The following TRIP4 variants were observed in gnomAD, a reference collection of about 807,000 sequenced individuals.
TRIP4 encodes thyroid hormone receptor interactor 4.
TRIP4 carries 54 observed loss-of-function variants against 81.8 expected under a neutral mutation model. That is an observed-to-expected ratio of 0.66 (90% CI 0.53 to 0.83). The LOEUF is 0.83. Ranked by LOEUF, TRIP4 falls within the 40% of genes least tolerant of loss-of-function variation. The pLI, the probability that TRIP4 is intolerant of heterozygous loss-of-function variation, is 0.00. For synonymous variants in TRIP4, 270 were observed against 242.8 expected (o/e 1.11, Z -1.04); for missense variants, 662 against 683.6 (o/e 0.97, Z 0.35).
Position 64,409,837 on chromosome 15 carries a change from G to C in TRIP4, c.1043+9G>C. 6.2e-7 allele frequency: 1 copy of C among 1,612,804 alleles called. No individual in the cohort carries two copies. The highest frequency in any genetic ancestry group is 8.5e-7 in the Non-Finnish European group (1 of 1,179,122). ...GCAGAGTATCATAGCAGGTAAGTGA[G>C]CAGCACTAGAAAGGGTCTCAAAGAA... On this transcript the variant is annotated intron_variant, in intron 7 of 12. Coordinates refer to ENST00000261884, the MANE Select transcript of TRIP4 (RefSeq NM_016213.5).
chr15:64,394,470 A>G (rs1362784165), intron 2 of TRIP4, among the ~76,000 whole-genome samples: 2 of 151,952 alleles, frequency 1.3e-5, no homozygotes, highest in Non-Finnish European at 2.9e-5. Context: ...CCAGGCATGG[A>G]GGCAGGCGCC....
At chr15:64,396,850 G>A (rs1362846476) in intron 3 of TRIP4, among the ~76,000 whole-genome samples, 1 of 152,196 alleles carries the variant, frequency 6.6e-6, no homozygotes, top group Non-Finnish European at 1.5e-5. Flanking sequence ...ATATGAGTTT[G>A]CAGTCCTGCC....
At chr15:64,450,821 G>A in intron 12 of TRIP4, 1 of 449,434 alleles carries the variant, frequency 2.2e-6, no homozygotes, top group Non-Finnish European at 4.5e-6. Flanking sequence ...ATTCTGATGG[G>A]TTGATCTTAC....
At chr15:64,405,227 T>C (rs1009543870) in intron 5 of TRIP4, among the ~76,000 whole-genome samples, 3 of 151,302 alleles carry the variant, frequency 2.0e-5, no homozygotes, top group Admixed American at 1.3e-4. Flanking sequence ...CGGTCTCGGC[T>C]CACTGTAAGC....
chr15:64,389,197 GTTCCTTCATTTGA>G (rs1205248292), intron 1 of TRIP4, among the ~76,000 whole-genome samples: 2 of 152,206 alleles, frequency 1.3e-5, no homozygotes. Flanking sequence ...AACTGAAAGT[GTTCCTTCATTTGA>G]TTCCTTGGTC....
rs1900288553 is a variant in TRIP4 at position 64,396,226 on chromosome 15, A to T, written c.405+695A>T. Among the ~76,000 whole-genome samples, 3 of 149,112 alleles carry T rather than the reference A, an allele frequency of 2.0e-5. No individual in the cohort carries two copies. The South Asian group carries it at 6.4e-4, about 32-fold the overall frequency. On this transcript the variant is annotated intron_variant, in intron 3 of 12. Coordinates refer to ENST00000261884, the MANE Select transcript of TRIP4 (RefSeq NM_016213.5). The stretch of plus-strand genomic sequence containing the variant: ...GCCCAGCCCTGTTTTTGAACTTTAA[A>T]TTAATGGAGCTAAATAGTGTGTACT...
intron 11 of TRIP4, among the ~76,000 whole-genome samples, chr15:64,438,616 T>A (rs1181715983): frequency 6.6e-6 from 1 of 152,212 alleles, no homozygotes; most frequent in East Asian, 1.9e-4. Context: ...TCTTCTGGTG[T>A]TCACTAGTTT....
At position 64,387,919 on chromosome 15, in the gene TRIP4, A is replaced by C. The variant is rs1201256157; in HGVS notation, c.56A>C (p.Gln19Pro). The C allele has an allele frequency of 6.4e-7, 1 of 1,551,110 alleles. No homozygotes were observed. The highest frequency in any genetic ancestry group is 8.7e-7 in the Non-Finnish European group (1 of 1,147,126). ...GEPLVHWCTQ[Q>P]LRKTFGLDVS... is the part of the protein sequence containing the mutation. ...CCGCTGGTGCACTGGTGCACCCAGC[A>C]GTTGCGGAAGACTTTCGGCCTGGAT... Residue 19 changes from glutamine to proline, a missense_variant, in exon 1 of 13, where the codon CAG becomes CCG. Physicochemically the swap from Gln to Pro is moderately conservative, Grantham distance 76. Transcript: ENST00000261884.
At chr15:64,435,118 A>G (rs1892360907) in intron 11 of TRIP4, among the ~76,000 whole-genome samples, 1 of 137,332 alleles carries the variant, frequency 7.3e-6, no homozygotes, top group African/African-American at 2.7e-5. Flanking sequence ...AAGGAGGCCG[A>G]GGTGGGAGGA....
Position 64,453,568 on chromosome 15 carries a change from C to T in TRIP4, c.1679-1429C>T, listed in dbSNP as rs968757555. 2.6e-5 allele frequency among the ~76,000 whole-genome samples: 4 copies of T among 152,296 alleles called. No homozygotes were observed. The East Asian group carries it at 7.7e-4, about 29-fold the overall frequency. ...CCAGGCAGCATAAGGGATAAAAGAACTCCTAAATCCCTGGGAATGCCCTAT... is the reference window on the plus strand; with the variant it reads ...CCAGGCAGCATAAGGGATAAAAGAATTCCTAAATCCCTGGGAATGCCCTAT... On this transcript the variant is annotated intron_variant, in intron 12 of 12. Coordinates refer to ENST00000261884, the MANE Select transcript of TRIP4 (RefSeq NM_016213.5).
chr15:64,446,974 G>C (rs1428805279), intron 12 of TRIP4, among the ~76,000 whole-genome samples: 2 of 151,774 alleles, frequency 1.3e-5, no homozygotes, highest in Non-Finnish European at 2.9e-5. Flanking sequence ...CATGGTAGCG[G>C]GCACCTGTAG....
At chr15:64,390,788 G>A (rs1566970366) in intron 1 of TRIP4, among the ~76,000 whole-genome samples, 1 of 151,848 alleles carries the variant, frequency 6.6e-6, no homozygotes, top group Admixed American at 6.6e-5. Flanking sequence ...CCAGCTACTC[G>A]GGAGGCTGAG....
intron 11 of TRIP4, among the ~76,000 whole-genome samples, chr15:64,440,191 C>T (rs1182540923): frequency 6.6e-6 from 1 of 151,942 alleles, no homozygotes; most frequent in Non-Finnish European, 1.5e-5. Flanking sequence ...TACGAACACA[C>T]CACTGCACTC....
chr15:64,429,088 G>T (rs913279909), intron 11 of TRIP4, among the ~76,000 whole-genome samples: 1 of 151,894 alleles, frequency 6.6e-6, no homozygotes, highest in African/African-American at 2.4e-5. Context: ...GCCGAGGCGG[G>T]TGGATCACTT....
intron 11 of TRIP4, among the ~76,000 whole-genome samples, chr15:64,429,058 T>A (rs1044472965): frequency 6.6e-6 from 1 of 151,830 alleles, no homozygotes; most frequent in African/African-American, 2.4e-5. Flanking sequence ...CTCATGCCTA[T>A]AATCCCAGCA....
At chr15:64,399,680 T>G (rs1437090485) in intron 4 of TRIP4, among the ~76,000 whole-genome samples, 3 of 151,946 alleles carry the variant, frequency 2.0e-5, no homozygotes, top group Non-Finnish European at 4.4e-5. Context: ...TTTTGTATTT[T>G]TAGTAGAGAC....
chr15:64,408,731 G>C (rs1255058479), intron 6 of TRIP4, among the ~76,000 whole-genome samples: 2 of 152,004 alleles, frequency 1.3e-5, no homozygotes, highest in African/African-American at 4.8e-5. Context: ...ATGAGCCCCA[G>C]GTTTATAATA....
At chr15:64,447,618 C>T (rs1892662515) in intron 12 of TRIP4, among the ~76,000 whole-genome samples, 1 of 152,200 alleles carries the variant, frequency 6.6e-6, no homozygotes, top group African/African-American at 2.4e-5. Context: ...AGATCTGAAC[C>T]AAGTTGCCCT....
chr15:64,421,210 A>G (rs1892003991), intron 9 of TRIP4, among the ~76,000 whole-genome samples: 1 of 151,172 alleles, frequency 6.6e-6, no homozygotes, highest in Admixed American at 6.6e-5. Context: ...TGAACCCGGG[A>G]GGTGGAGGTT....
Sources: allele counts gnomAD v4.1 joint callset (sites outside exome capture counted in the v4.1 genomes callset), GRCh38; gene constraint gnomAD v4.1.1; transcripts MANE v1.5; gene names NCBI Gene and HGNC (gene_info 2026-07-23, HGNC 2026-07-21).